The following SCRN1 variants were observed in gnomAD, a reference collection of about 807,000 sequenced individuals.
SCRN1 encodes secernin 1, also known as secernin-1.
Under a neutral mutation model 43.3 loss-of-function variants are expected in SCRN1, and 19 were observed. The observed-to-expected ratio is 0.44, with a 90% CI of 0.31 to 0.64. The LOEUF is 0.64. Ranked by LOEUF, SCRN1 falls within the 30% of genes least tolerant of loss-of-function variation. The pLI, the probability that SCRN1 is intolerant of heterozygous loss-of-function variation, is 0.09. For missense variants in SCRN1, 447 were observed against 524.1 expected (o/e 0.85, Z 1.44); for synonymous variants, 183 against 188.9 (o/e 0.97, Z 0.26).
chr7:29,937,452 TA>T (rs1304830545), intron 5 of SCRN1, among the ~76,000 whole-genome samples: 1 of 152,218 alleles, frequency 6.6e-6, no homozygotes, highest in African/African-American at 2.4e-5. Context: ...AATAACCTAC[TA>T]TTTTTTTTAA....
chr7:29,925,854 C>CAAA (rs59395122), intron 7 of SCRN1, among the ~76,000 whole-genome samples: 9 of 83,966 alleles, frequency 1.1e-4, no homozygotes, highest in Non-Finnish European at 1.0e-4. Context: ...ACTAAAAATA[C>CAAA]AAAAAAAAAA....
At chr7:29,940,919 A>G in intron 4 of SCRN1, 43 bp from the exon 5 acceptor site, 1 of 1,406,332 alleles carries the variant, frequency 7.1e-7, no homozygotes, top group Non-Finnish European at 9.4e-7. Flanking sequence ...ATATACTTAT[A>G]AAGACTTAAT....
chr7:29,926,515 T>C lies in SCRN1; in HGVS notation c.1023A>G (p.Pro341=). 1 of 1,614,160 alleles carries C rather than the reference T, an allele frequency of 6.2e-7. No homozygotes were observed. Among genetic ancestry groups the C allele is most frequent in the Non-Finnish European group, 8.5e-7 (1 of 1,180,032 alleles). The change falls in exon 7 of 8, where the codon CCA becomes CCG. Residue 341 remains proline, a synonymous_variant. Coordinates refer to ENST00000242059, the MANE Select transcript of SCRN1 (RefSeq NM_014766.5). ...CTTTGTACAGCTCATGCCGGCGGTC[T>C]GGTTTCTCCTGGAACCGAGGCTCCT... ...AKKEPRFQEK[P]DRRHELYKAH... is the part of the protein sequence containing the mutation.
intron 1 of SCRN1, chr7:29,988,472 T>C (rs1267470607): frequency 6.6e-6 from 1 of 152,378 alleles, no homozygotes; most frequent in Non-Finnish European, 1.5e-5. Flanking sequence ...CATACCCGGA[T>C]GAGCCTTGAC....
chr7:29,988,524 T>G (rs1037277196), intron 1 of SCRN1: 1 of 152,360 alleles, frequency 6.6e-6, no homozygotes, highest in African/African-American at 2.4e-5. Flanking sequence ...AGGGGGCAGC[T>G]GATGGTTGTG....
chr7:29,985,738 T>C (rs1390980006), intron 1 of SCRN1, among the ~76,000 whole-genome samples: 2 of 152,228 alleles, frequency 1.3e-5, no homozygotes, highest in African/African-American at 2.4e-5. Flanking sequence ...TTCTGCTTCA[T>C]AGTCTCATAC....
chr7:29,972,918 A>G (rs1788709136), intron 1 of SCRN1, among the ~76,000 whole-genome samples: 1 of 152,212 alleles, frequency 6.6e-6, no homozygotes, highest in Non-Finnish European at 1.5e-5. Flanking sequence ...ATTAATTTTC[A>G]TTTAAATAGC....
chr7:29,947,274 C>T, intron 3 of SCRN1: 1 of 1,550,836 alleles, frequency 6.4e-7, no homozygotes. Flanking sequence ...GACCTTCTCA[C>T]AGGTATGTCA....
At chr7:29,984,184 C>A (rs58592858) in intron 1 of SCRN1, among the ~76,000 whole-genome samples, 1 of 121,950 alleles carries the variant, frequency 8.2e-6, no homozygotes, top group Admixed American at 1.1e-4. Flanking sequence ...CCAGCCTGGG[C>A]GACAGAGTGA....
intron 1 of SCRN1, chr7:29,969,381 GACAC>G (rs1788598499): frequency 2.7e-6 from 1 of 374,290 alleles, no homozygotes; most frequent in Admixed American, 3.7e-5. Flanking sequence ...AGAAGACACA[GACAC>G]ACACCACACA....
At chr7:29,962,075 T>C (rs1788340687) in intron 2 of SCRN1, among the ~76,000 whole-genome samples, 1 of 151,630 alleles carries the variant, frequency 6.6e-6, no homozygotes, top group Non-Finnish European at 1.5e-5. Flanking sequence ...AGAAACCTCA[T>C]ACTTGAGAGT....
intron 1 of SCRN1, among the ~76,000 whole-genome samples, chr7:29,980,966 G>C (rs1466336918): frequency 1.3e-5 from 2 of 152,122 alleles, no homozygotes; most frequent in Admixed American, 6.5e-5. Context: ...TATCTAACTG[G>C]GAGTTGAGAG....
intron 6 of SCRN1, among the ~76,000 whole-genome samples, chr7:29,932,116 T>TG (rs1214324588): frequency 1.4e-5 from 2 of 140,538 alleles, no homozygotes; most frequent in South Asian, 2.3e-4. Context: ...ATGGCGGCTC[T>TG]GGGGGGTTTT....
At chr7:29,947,318 A>G in intron 3 of SCRN1, 4 of 1,550,740 alleles carry the variant, frequency 2.6e-6, no homozygotes, top group Non-Finnish European at 3.5e-6. Context: ...AAGTTAACAC[A>G]TCTCACTGAG....
In SCRN1 at chr7:29,989,628, CA is replaced by C. The variant is rs1789295201; in HGVS notation, c.-2+13del. Reference sequence around the variant, plus strand: ...CAGCGCTGCAAACGCCCTGCGCTCCCAGACGCGGCTCACCTGGGGCGGCGGG... The same window carrying C: ...CAGCGCTGCAAACGCCCTGCGCTCCCGACGCGGCTCACCTGGGGCGGCGGG... On this transcript the variant is annotated intron_variant, in intron 1 of 7. Coordinates refer to ENST00000242059, the MANE Select transcript of SCRN1 (RefSeq NM_014766.5). The C allele has an allele frequency of 2.6e-5, 26 of 985,678 alleles. No individual in the cohort carries two copies. Among genetic ancestry groups the C allele is most frequent in the Non-Finnish European group, 3.0e-5 (25 of 830,150 alleles). 61.1% of individuals were successfully genotyped at this position (985,678 alleles called of 1,614,324 possible).
At chr7:29,987,844 T>C (rs937397317) in intron 1 of SCRN1, among the ~76,000 whole-genome samples, 9 of 152,172 alleles carry the variant, frequency 5.9e-5, no homozygotes, top group African/African-American at 1.4e-4. Context: ...TTGGCGTCCA[T>C]TCGCCCCGCT....
At chr7:29,968,671 C>T (rs1024145460) in intron 2 of SCRN1, among the ~76,000 whole-genome samples, 3 of 152,140 alleles carry the variant, frequency 2.0e-5, no homozygotes, top group Non-Finnish European at 4.4e-5. Context: ...GATTTGATTT[C>T]AGAACTATGT....
Position 29,936,645 on chromosome 7 carries a change from G to C in SCRN1, c.816C>G (p.Phe272Leu). 6.2e-7 allele frequency: 1 copy of C among 1,607,782 alleles called. No individual in the cohort carries two copies. The highest frequency in any genetic ancestry group is 1.3e-5 in the African/African-American group (1 of 74,982). The change falls in exon 6 of 8, where the codon TTC becomes TTG. Residue 272 changes from phenylalanine (F) to leucine (L), a missense_variant. By Grantham distance (22) the Phe-to-Leu change is conservative (BLOSUM62 0). Coordinates refer to ENST00000242059, the MANE Select transcript of SCRN1 (RefSeq NM_014766.5). The part of the protein sequence containing the change: ...ASGVCIDSEF[F>L]LTTASGVSVL... The stretch of plus-strand genomic sequence containing the variant: ...CAGACACTCCACTGGCTGTGGTGAG[G>C]AAAAACTCAGAGTCTATGCACACTC...
chr7:29,969,064 C>T lies in SCRN1; in HGVS notation c.4G>A (p.Ala2Thr). 1 of 1,612,318 alleles carries T rather than the reference C, an allele frequency of 6.2e-7. No homozygotes were observed. Among genetic ancestry groups the T allele is most frequent in the Non-Finnish European group, 8.5e-7 (1 of 1,179,160 alleles). Residue 2 changes from alanine to threonine, a missense_variant, in exon 2 of 8, where the codon GCT (alanine) becomes ACT (threonine). Physicochemically the swap from Ala to Thr is moderately conservative, Grantham distance 58. Transcript: ENST00000242059. Reference protein sequence around the residue: MAAAPPSYCFVA... With the variant: MTAAPPSYCFVA... ...AAACAGTAACTTGGAGGAGCTGCAG[C>T]CATCCTGAAAAGAGAATGCCAGCAA... is the stretch of plus-strand genomic sequence containing the variant.
Sources: allele counts gnomAD v4.1 joint callset (sites outside exome capture counted in the v4.1 genomes callset), GRCh38; gene constraint gnomAD v4.1.1; transcripts MANE v1.5; gene names NCBI Gene and HGNC (gene_info 2026-07-23, HGNC 2026-07-21).